The following CIITA variants were observed in gnomAD, a reference collection of about 807,000 sequenced individuals.
CIITA encodes the protein MHC class II transactivator.
CIITA carries 72 observed loss-of-function variants against 115.1 expected under a neutral mutation model. The observed-to-expected ratio is 0.63, with a 90% CI of 0.52 to 0.76. The LOEUF is 0.76. Ranked by LOEUF, CIITA falls within the 30% of genes least tolerant of loss-of-function variation. The pLI is 0.00. For synonymous variants in CIITA, 763 were observed against 635.6 expected, an observed-to-expected ratio of 1.20 and a Z score of -3.02; for missense variants, 1,617 against 1,463.8, an observed-to-expected ratio of 1.10 and a Z score of -1.71.
In CIITA at chr16:10,866,365, C is replaced by T. The variant is rs371100264; in HGVS notation, c.-21+46C>T. On this transcript the variant is annotated intron_variant, in intron 1 of 5. Coordinates refer to the CIITA transcript ENST00000636238. Reference sequence around the variant, plus strand: ...CCATCAGCCCAGCCTGGTGCAGGCCCTCTTGGACAACCTGCTGAAGGAGGA... The same window carrying T: ...CCATCAGCCCAGCCTGGTGCAGGCCTTCTTGGACAACCTGCTGAAGGAGGA... 29 of 568,582 alleles carry T rather than the reference C, an allele frequency of 5.1e-5. No homozygotes were observed. In the African/African-American group the frequency reaches 5.2e-4, roughly 10 times the overall value. The allele number at this position is 568,582 out of a possible 1,614,324, so 35.2% of individuals were successfully genotyped here. A position where few individuals can be genotyped will look rare whatever the true frequency, so the allele number is the denominator to read the frequency against.
chr16:10,873,338 AC>A (rs1567349976), upstream of CIITA, among the ~76,000 whole-genome samples: 1 of 152,250 alleles, frequency 6.6e-6, no homozygotes, highest in Admixed American at 6.5e-5. Flanking sequence ...CTGATCCTAG[AC>A]ATTAACAGAT....
chr16:10,907,861 C>T lies in CIITA; in HGVS notation c.2369C>T (p.Ala790Val), dbSNP rs1026200952. The part of the protein sequence containing the change: ...ASVDRKQKVL[A>V]RYLKRLQPGT... ...GTGGACAGGAAGCAGAAGGTGCTTGCGAGGTACCTGAAGCGGCTGCAGCCG... is the reference window on the plus strand; with the variant it reads ...GTGGACAGGAAGCAGAAGGTGCTTGTGAGGTACCTGAAGCGGCTGCAGCCG... The change falls in exon 11 of 20, where the codon GCG becomes GTG. Residue 790 changes from alanine to valine, a missense_variant. Coordinates refer to ENST00000324288, the MANE Select transcript of CIITA (RefSeq NM_000246.4). This position sits in a 1 kb window ranked among gnomAD's most constrained non-coding sequence, Gnocchi z 5.0. 7.5e-6 allele frequency: 12 copies of T among 1,610,722 alleles called. No homozygotes were observed. The highest frequency in any genetic ancestry group is 1.7e-4 in the Middle Eastern group (1 of 6,052).
chr16:10,898,917 C>G lies in CIITA; in HGVS notation c.359-8C>G, dbSNP rs771572991. 1.9e-6 allele frequency: 3 copies of G among 1,613,854 alleles called. No homozygotes were observed. The South Asian group carries it at 3.3e-5, about 18-fold the overall frequency. On this transcript the variant is annotated splice_region_variant and splice_polypyrimidine_tract_variant and intron_variant, in intron 4 of 19. Transcript: ENST00000324288. Reference sequence around the variant, plus strand: ...GTGTGAGTTGGTCTCTGGTTTTTCTCAAAGTAGAGCACATAGGACCAGATG... The same window carrying G: ...GTGTGAGTTGGTCTCTGGTTTTTCTGAAAGTAGAGCACATAGGACCAGATG...
upstream of CIITA, chr16:10,877,111 G>A (rs921452599): frequency 3.5e-5 from 22 of 621,428 alleles, no homozygotes; most frequent in Non-Finnish European, 5.8e-5. Flanking sequence ...ACCGCTTGGG[G>A]CCACCTTGCA....
Position 10,930,431 on chromosome 16 carries a change from G to C in CIITA, c.*6576G>C, listed in dbSNP as rs188315183. On this transcript the variant is annotated 3_prime_UTR_variant, in exon 20 of 20. Coordinates refer to ENST00000324288, the MANE Select transcript of CIITA (RefSeq NM_000246.4). ...ATGCCAGTAGCACCCCTGGCCACTG[G>C]AACAACTAAAAATGCCCTCCTACCC... 4 of 152,262 alleles carry C rather than the reference G, an allele frequency of 2.6e-5. No homozygotes were observed. The East Asian group carries it at 7.7e-4, about 29-fold the overall frequency. 9.4% of individuals were successfully genotyped at this position (152,262 alleles called of 1,614,324 possible).
chr16:10,923,141 A>C lies in CIITA; in HGVS notation c.3318-87A>C. 9.1e-7 allele frequency: 1 copy of C among 1,099,042 alleles called. No homozygotes were observed. The highest frequency in any genetic ancestry group is 1.4e-6 in the Non-Finnish European group (1 of 720,228). The allele number at this position is 1,099,042 out of a possible 1,614,324, so 68.1% of individuals were successfully genotyped here. On this transcript the variant is annotated intron_variant, in intron 18 of 19. Transcript: ENST00000324288. This position sits in a 1 kb window ranked among gnomAD's most constrained non-coding sequence, Gnocchi z 5.2. ...GTCCCCAACGTTCTAGGCTGGGTGGAAGGAGGGATTTGGGGGCAGCTGTCA... is the reference window on the plus strand; with the variant it reads ...GTCCCCAACGTTCTAGGCTGGGTGGCAGGAGGGATTTGGGGGCAGCTGTCA...
rs2040505905 is a variant in CIITA at position 10,925,724 on chromosome 16, A to ACG, written c.*1872_*1873dup. ...TGCACGTACACACACATACACACACACGCGTGCACACACCAGAGCCCACCT... is the reference window on the plus strand; with the variant it reads ...TGCACGTACACACACATACACACACACGCGCGTGCACACACCAGAGCCCACCT... On this transcript the variant is annotated 3_prime_UTR_variant, in exon 20 of 20. Coordinates refer to ENST00000324288, the MANE Select transcript of CIITA (RefSeq NM_000246.4). The ACG allele has an allele frequency of 6.6e-6, 1 of 152,248 alleles. No homozygotes were observed. Among genetic ancestry groups the ACG allele is most frequent in the Non-Finnish European group, 1.5e-5 (1 of 68,030 alleles). The allele number at this position is 152,248 out of a possible 1,614,324, so 9.4% of individuals were successfully genotyped here.
intron 2 of CIITA, 51 bp downstream of exon 2, chr16:10,895,479 G>A: frequency 6.2e-7 from 1 of 1,609,126 alleles, no homozygotes; most frequent in South Asian, 1.1e-5. Flanking sequence ...CCCTCAGCTT[G>A]CTGTAGAGAC....
At position 10,916,357 on chromosome 16, in the gene CIITA, C is replaced by T. The variant is rs754452175; in HGVS notation, c.2970-10C>T. ...GCTAGCTGATGGCCCCCATCTGATT[C>T]CACCTGCAGCCTGGATGCGCTGAGT... On this transcript the variant is annotated splice_polypyrimidine_tract_variant and intron_variant, in intron 14 of 19. Transcript: ENST00000324288. The T allele has an allele frequency of 1.2e-6, 2 of 1,613,288 alleles. No homozygotes were observed. Among genetic ancestry groups the T allele is most frequent in the East Asian group, 4.5e-5 (2 of 44,848 alleles).
intron 1 of CIITA, among the ~76,000 whole-genome samples, chr16:10,893,905 T>C (rs1042509121): frequency 6.6e-6 from 1 of 150,822 alleles, no homozygotes; most frequent in Non-Finnish European, 1.5e-5. Context: ...CAGTCAATTT[T>C]AGCACATTTC....
intron 18 of CIITA, 38 bp downstream of exon 18, chr16:10,922,528 A>T: frequency 6.2e-7 from 1 of 1,606,158 alleles, no homozygotes; most frequent in South Asian, 1.1e-5. Context: ...AGAACAACTC[A>T]CTCCCCAGGC....
intron 1 of CIITA, among the ~76,000 whole-genome samples, chr16:10,894,099 G>A (rs1470306392): frequency 1.3e-5 from 2 of 152,148 alleles, no homozygotes; most frequent in East Asian, 3.8e-4. Flanking sequence ...CGATTCTCCT[G>A]TCTCAGCCTC....
intron 13 of CIITA, 69 bp downstream of exon 13, chr16:10,910,328 A>G: frequency 1.5e-6 from 2 of 1,308,210 alleles, no homozygotes; most frequent in Admixed American, 1.8e-5. Context: ...CTGGGCTTGT[A>G]CCACCTGAAT....
intron 12 of CIITA, 103 bp from the exon 13 acceptor site, chr16:10,910,085 C>A: frequency 2.2e-6 from 2 of 926,918 alleles, no homozygotes; most frequent in South Asian, 1.4e-5. Context: ...GAAAGCAATC[C>A]CCCTGGGGAA....
At chr16:10,919,177 T>C (rs1023773194) in intron 16 of CIITA, among the ~76,000 whole-genome samples, 1 of 152,142 alleles carries the variant, frequency 6.6e-6, no homozygotes, top group Non-Finnish European at 1.5e-5. Context: ...TCCCTTATTA[T>C]TTATTTATTT....
At chr16:10,919,064 T>A (rs1201437784) in intron 16 of CIITA, among the ~76,000 whole-genome samples, 1 of 152,224 alleles carries the variant, frequency 6.6e-6, no homozygotes, top group African/African-American at 2.4e-5. Flanking sequence ...CATTACCAGC[T>A]CTTCTTACTC....
At chr16:10,897,374 CT>C (rs2038239274) in intron 3 of CIITA, among the ~76,000 whole-genome samples, 1 of 152,152 alleles carries the variant, frequency 6.6e-6, no homozygotes, top group Non-Finnish European at 1.5e-5. Context: ...ACTTATTAAC[CT>C]GTTTATCCAC....
chr16:10,882,282 A>T (rs2036505891), intron 1 of CIITA, among the ~76,000 whole-genome samples: 1 of 152,226 alleles, frequency 6.6e-6, no homozygotes, highest in Non-Finnish European at 1.5e-5. Flanking sequence ...AAAAATTGTA[A>T]AGATGGAAGA....
chr16:10,871,488 G>A (rs890044149), intron 1 of CIITA, among the ~76,000 whole-genome samples: 3 of 152,150 alleles, frequency 2.0e-5, no homozygotes, highest in East Asian at 1.9e-4. Flanking sequence ...ATTTCATTGC[G>A]TGACATTTTT....
Sources: allele counts gnomAD v4.1 joint callset (sites outside exome capture counted in the v4.1 genomes callset), GRCh38; gene constraint gnomAD v4.1.1; non-coding constraint Gnocchi (gnomAD v3.1); transcripts MANE v1.5; gene names NCBI Gene and HGNC (gene_info 2026-07-23, HGNC 2026-07-21).